Variants in TMEM150C observed in about 807,000 individuals in gnomAD.
TMEM150C encodes tentonin 3.
Under a neutral mutation model 29.9 loss-of-function variants are expected in TMEM150C, and 10 were observed. The ratio of observed to expected loss-of-function variants is 0.33; its 90% CI spans 0.21 to 0.57. The LOEUF (loss-of-function observed/expected upper bound fraction) is 0.57, where lower values mean the gene tolerates loss of function less well. TMEM150C is among the 20% of genes least tolerant of loss of function. The probability of loss-of-function intolerance (pLI) is 0.88; values close to 1 mark genes in which losing one functional copy is unlikely to be tolerated. For synonymous variants in TMEM150C, 101 were observed against 112.5 expected (o/e 0.90, Z 0.64); for missense variants, 251 against 303.6 (o/e 0.83, Z 1.29).
chr4:82,518,896 C>A (rs1379801180), intron 1 of TMEM150C, among the ~76,000 whole-genome samples: 1 of 152,216 alleles, frequency 6.6e-6, no homozygotes, highest in Non-Finnish European at 1.5e-5. Context: ...AGCCTGTTCT[C>A]TTCCTTAGAT....
intron 1 of TMEM150C, among the ~76,000 whole-genome samples, chr4:82,526,002 T>C (rs1468231482): frequency 6.6e-6 from 1 of 152,206 alleles, no homozygotes; most frequent in Non-Finnish European, 1.5e-5. Context: ...CCTCCTGGGC[T>C]CATGTGATCC....
chr4:82,496,386 T>G, intron 5 of TMEM150C, 191 bp from the exon 6 acceptor site: 1 of 511,080 alleles, frequency 2.0e-6, no homozygotes, highest in South Asian at 3.4e-5. Context: ...TGATCCACAA[T>G]TTTTCAAAGA....
chr4:82,524,726 AAT>A (rs1487843958), intron 1 of TMEM150C, among the ~76,000 whole-genome samples: 1 of 152,232 alleles, frequency 6.6e-6, no homozygotes, highest in Non-Finnish European at 1.5e-5. Flanking sequence ...ACAATTACGT[AAT>A]CACGAATGCA....
Position 82,539,459 on chromosome 4 carries a change from CT to C in TMEM150C, c.-11+22446del, listed in dbSNP as rs34120699. On this transcript the variant is annotated intron_variant, in intron 1 of 7. Transcript: ENST00000449862. ...GGATAAAGGATAAAAATCCAAACAA[CT>C]TTTTTTTTTTGAGACAGAGTCTCGC... Among the ~76,000 whole-genome samples, 428 of 147,438 alleles carry C rather than the reference CT, an allele frequency of 2.9e-3. 2 individuals carry two copies. Among genetic ancestry groups the C allele is most frequent in the Non-Finnish European group, 4.8e-3 (322 of 66,678 alleles).
intron 6 of TMEM150C, chr4:82,491,214 C>G (rs1723334527): frequency 2.9e-6 from 2 of 689,042 alleles, no homozygotes; most frequent in Admixed American, 4.1e-5. Context: ...AACTCCTACT[C>G]GAAGGGCAGG....
upstream of TMEM150C, chr4:82,562,165 G>A: frequency 1.6e-6 from 2 of 1,279,926 alleles, no homozygotes. Flanking sequence ...ATAGTCACCC[G>A]GGGCAGGAGC....
At chr4:82,535,961 T>C (rs1724990185) in intron 1 of TMEM150C, among the ~76,000 whole-genome samples, 1 of 152,070 alleles carries the variant, frequency 6.6e-6, no homozygotes, top group South Asian at 2.1e-4. Flanking sequence ...CAAAAATATC[T>C]CCTGACATTG....
At chr4:82,489,874 T>A (rs546311970) in intron 7 of TMEM150C, among the ~76,000 whole-genome samples, 187 bp downstream of exon 7, 1 of 152,356 alleles carries the variant, frequency 6.6e-6, no homozygotes, top group South Asian at 2.1e-4. Context: ...GTTTTATTTT[T>A]ATTTCTCCAT....
intron 1 of TMEM150C, among the ~76,000 whole-genome samples, chr4:82,554,997 G>A (rs1479357422): frequency 6.6e-6 from 1 of 152,178 alleles, no homozygotes; most frequent in Non-Finnish European, 1.5e-5. Context: ...AAGCATGATG[G>A]CAAGCTGTTG....
chr4:82,555,358 G>A (rs1725704725), intron 1 of TMEM150C, among the ~76,000 whole-genome samples: 1 of 152,192 alleles, frequency 6.6e-6, no homozygotes, highest in Admixed American at 6.5e-5. Flanking sequence ...AAACAAATGT[G>A]TGCAGAAGTT....
intron 1 of TMEM150C, among the ~76,000 whole-genome samples, chr4:82,529,297 C>CT (rs201395779): frequency 2.2e-4 from 21 of 95,834 alleles, no homozygotes; most frequent in Admixed American, 8.5e-4. Context: ...CTTCCTTTTT[C>CT]TTTTTTTTTG....
intron 6 of TMEM150C, among the ~76,000 whole-genome samples, chr4:82,492,948 T>C (rs1723420828): frequency 6.9e-6 from 1 of 145,610 alleles, no homozygotes; most frequent in African/African-American, 2.5e-5. Flanking sequence ...AGTACGGTGG[T>C]ATGATAAAAG....
intron 1 of TMEM150C, among the ~76,000 whole-genome samples, chr4:82,528,248 C>T (rs982544949): frequency 1.3e-5 from 2 of 152,208 alleles, no homozygotes; most frequent in African/African-American, 4.8e-5. Flanking sequence ...AGTCATTCAC[C>T]AGTGCAGGGG....
rs1428446543 is a variant in TMEM150C, at chr4:82,484,752, T to C, written c.*759A>G. ...ACTATGAAATATAAAACATTGTACA[T>C]GGCATACTATGAAAGCAAACACTAA... On this transcript the variant is annotated 3_prime_UTR_variant, in exon 8 of 8. Transcript: ENST00000449862. 6.6e-6 allele frequency: 1 copy of C among 152,216 alleles called. No homozygotes were observed. The highest frequency in any genetic ancestry group is 1.5e-5 in the Non-Finnish European group (1 of 68,072). 9.4% of individuals were successfully genotyped at this position (152,216 alleles called of 1,614,324 possible).
intron 6 of TMEM150C, chr4:82,495,569 T>C (rs1010937497): frequency 5.6e-6 from 2 of 354,284 alleles, no homozygotes; most frequent in South Asian, 5.3e-5. Context: ...AATGCTCAGA[T>C]TGGCATCCAC....
intron 1 of TMEM150C, among the ~76,000 whole-genome samples, chr4:82,510,409 C>T (rs930464748): frequency 6.6e-6 from 1 of 152,124 alleles, no homozygotes; most frequent in African/African-American, 2.4e-5. Flanking sequence ...ACTTTGTCCT[C>T]CCTGGGGCAA....
intron 1 of TMEM150C, among the ~76,000 whole-genome samples, chr4:82,556,834 T>C (rs977589445): frequency 2.0e-5 from 3 of 152,232 alleles, no homozygotes; most frequent in Admixed American, 6.5e-5. Flanking sequence ...CCCTATGGGA[T>C]GGACACTAAT....
At chr4:82,522,072 A>G (rs931243224) in intron 1 of TMEM150C, among the ~76,000 whole-genome samples, 1 of 152,114 alleles carries the variant, frequency 6.6e-6, no homozygotes, top group African/African-American at 2.4e-5. Context: ...CAAAAAAAAA[A>G]TTTACTCTTT....
At chr4:82,507,201 G>A (rs1723954899) in intron 1 of TMEM150C, among the ~76,000 whole-genome samples, 1 of 152,148 alleles carries the variant, frequency 6.6e-6, no homozygotes, top group African/African-American at 2.4e-5. Flanking sequence ...AGAATTATCA[G>A]CCCCAGAGAA....
Sources: allele counts gnomAD v4.1 joint callset (sites outside exome capture counted in the v4.1 genomes callset), GRCh38; gene constraint gnomAD v4.1.1; transcripts MANE v1.5; gene names NCBI Gene and HGNC (gene_info 2026-07-23, HGNC 2026-07-21).